Variants in FARS2 observed in about 807,000 individuals in gnomAD.
FARS2 encodes the protein phenylalanine--tRNA ligase, mitochondrial.
FARS2 carries 40 observed loss-of-function variants against 46.4 expected under a neutral mutation model. The observed-to-expected ratio is 0.86, with a 90% CI of 0.67 to 1.12. The LOEUF (loss-of-function observed/expected upper bound fraction) is 1.12. FARS2 is among the 50% of genes most tolerant of loss of function. FARS2 has a pLI of 0.00. For synonymous variants in FARS2, 234 were observed against 214.9 expected (o/e 1.09, Z -0.78); for missense variants, 513 against 567.9 (o/e 0.90, Z 0.98).
intron 5 of FARS2, among the ~76,000 whole-genome samples, chr6:5,591,390 C>T (rs544677129): frequency 2.0e-5 from 3 of 152,238 alleles, no homozygotes; most frequent in Non-Finnish European, 4.4e-5. Flanking sequence ...CCGCAACTTA[C>T]ATCAGCTTCT....
chr6:5,362,142 C>T (rs1208892492), intron 1 of FARS2, among the ~76,000 whole-genome samples: 3 of 152,110 alleles, frequency 2.0e-5, no homozygotes, highest in African/African-American at 7.2e-5. Context: ...TGGACTTGAC[C>T]ACCATGCCCA....
chr6:5,282,017 C>T (rs1308165433), intron 1 of FARS2, among the ~76,000 whole-genome samples: 1 of 152,082 alleles, frequency 6.6e-6, no homozygotes, highest in Non-Finnish European at 1.5e-5. Context: ...ACTGAGAAGG[C>T]AAAAAGAATC....
chr6:5,469,303 C>T (rs540384059), intron 4 of FARS2, among the ~76,000 whole-genome samples: 2 of 152,236 alleles, frequency 1.3e-5, no homozygotes, highest in African/African-American at 2.4e-5. Context: ...TGACCCCACT[C>T]GGTTCTCACT....
chr6:5,415,742 C>CT (rs559999087), intron 3 of FARS2, among the ~76,000 whole-genome samples: 112 of 152,260 alleles, frequency 7.4e-4, no homozygotes, highest in African/African-American at 2.6e-3. Context: ...TGGTCTTGCT[C>CT]TTTTGCCCAG....
At chr6:5,267,531 A>T (rs529765016) in intron 1 of FARS2, among the ~76,000 whole-genome samples, 23 of 152,182 alleles carry the variant, frequency 1.5e-4, no homozygotes, top group Middle Eastern at 6.8e-3. Flanking sequence ...CAGGTGAATC[A>T]CGAGGTCAGG....
At chr6:5,341,153 T>C (rs935083673) in intron 1 of FARS2, among the ~76,000 whole-genome samples, 3 of 132,344 alleles carry the variant, frequency 2.3e-5, no homozygotes, top group African/African-American at 8.4e-5. Flanking sequence ...CACACGTTGT[T>C]TCACTTTCAT....
intron 4 of FARS2, among the ~76,000 whole-genome samples, chr6:5,544,039 G>A (rs1582406511): frequency 6.6e-6 from 1 of 152,104 alleles, no homozygotes; most frequent in East Asian, 1.9e-4. Context: ...GCAGAGGCAG[G>A]GCTGTGTACT....
chr6:5,278,185 A>C (rs1444566335), intron 1 of FARS2, among the ~76,000 whole-genome samples: 1 of 152,222 alleles, frequency 6.6e-6, no homozygotes, highest in African/African-American at 2.4e-5. Flanking sequence ...GTGATCTGTG[A>C]GTAAATGACC....
chr6:5,604,642 A>G (rs1774726783), intron 5 of FARS2, among the ~76,000 whole-genome samples: 1 of 152,272 alleles, frequency 6.6e-6, no homozygotes, highest in Non-Finnish European at 1.5e-5. Context: ...CTGCATTGAA[A>G]GTAGTTACCA....
chr6:5,284,102 A>G (rs922615116), intron 1 of FARS2, among the ~76,000 whole-genome samples: 19 of 152,228 alleles, frequency 1.2e-4, no homozygotes, highest in African/African-American at 4.3e-4. Context: ...CATTAAAAAT[A>G]CTATCTAATT....
At chr6:5,572,331 T>A (rs936641452) in intron 5 of FARS2, among the ~76,000 whole-genome samples, 5 of 151,978 alleles carry the variant, frequency 3.3e-5, no homozygotes, top group African/African-American at 1.2e-4. Flanking sequence ...TGCCACACAC[T>A]TTTAAATGAC....
At chr6:5,329,408 T>A (rs2127576530) in intron 1 of FARS2, among the ~76,000 whole-genome samples, 1 of 152,352 alleles carries the variant, frequency 6.6e-6, no homozygotes, top group Non-Finnish European at 1.5e-5. Flanking sequence ...GCTTTCAACC[T>A]GTTTTTTTGT....
At chr6:5,745,838 C>A (rs1050820460) in intron 6 of FARS2, among the ~76,000 whole-genome samples, 1 of 152,208 alleles carries the variant, frequency 6.6e-6, no homozygotes, top group Non-Finnish European at 1.5e-5. Context: ...CTGCACCCCA[C>A]CAATCAATAG....
At chr6:5,746,154 CG>C (rs1161015694) in intron 6 of FARS2, among the ~76,000 whole-genome samples, 5 of 152,232 alleles carry the variant, frequency 3.3e-5, no homozygotes, top group African/African-American at 1.2e-4. Flanking sequence ...CATTCCCAGG[CG>C]GCCGGCAGAT....
At chr6:5,417,137 G>A (rs1346310414) in intron 3 of FARS2, among the ~76,000 whole-genome samples, 5 of 152,106 alleles carry the variant, frequency 3.3e-5, no homozygotes, top group African/African-American at 1.2e-4. Flanking sequence ...GCATTTGTAT[G>A]TCCATAAAGC....
At chr6:5,739,589 C>T (rs7742603) in intron 6 of FARS2, among the ~76,000 whole-genome samples, 95,227 of 152,124 alleles carry the variant, frequency 0.63, 30,688 homozygotes, top group African/African-American at 0.77. Flanking sequence ...ACCATCTTCA[C>T]GGGAAATGTC....
rs570564857 is a variant in FARS2, at chr6:5,394,832, T to A, written c.613-9710T>A. Reference sequence around the variant, plus strand: ...CTGCAATATAAAAAGATTTTTTTTCTTGATGCTCGTTAACTTTTGACGTCA... The same window carrying A: ...CTGCAATATAAAAAGATTTTTTTTCATGATGCTCGTTAACTTTTGACGTCA... On this transcript the variant is annotated intron_variant, in intron 2 of 6. Coordinates refer to ENST00000274680, the MANE Select transcript of FARS2 (RefSeq NM_006567.5). 2.6e-4 allele frequency among the ~76,000 whole-genome samples: 39 copies of A among 152,270 alleles called. 2 individuals carry two copies. In the South Asian group the frequency reaches 8.1e-3, roughly 32 times the overall value.
At chr6:5,482,205 T>C (rs1256241401) in intron 4 of FARS2, among the ~76,000 whole-genome samples, 1 of 152,134 alleles carries the variant, frequency 6.6e-6, no homozygotes, top group Non-Finnish European at 1.5e-5. Context: ...GCACAATCCC[T>C]CCTCACATTT....
chr6:5,729,968 T>C (rs767322764), intron 6 of FARS2, among the ~76,000 whole-genome samples: 31 of 152,316 alleles, frequency 2.0e-4, no homozygotes, highest in Middle Eastern at 3.4e-3. Context: ...AGCAGCCCCC[T>C]GACCCCAGTT....
Sources: allele counts gnomAD v4.1 joint callset (sites outside exome capture counted in the v4.1 genomes callset), GRCh38; gene constraint gnomAD v4.1.1; transcripts MANE v1.5; gene names NCBI Gene and HGNC (gene_info 2026-07-23, HGNC 2026-07-21).